The following SNX8 variants were observed in gnomAD, a reference collection of about 807,000 sequenced individuals.
SNX8 encodes sorting nexin 8.
A neutral mutation model predicts 51.6 loss-of-function variants in SNX8; 25 were observed. The observed-to-expected ratio is 0.48, with a 90% CI of 0.35 to 0.68. The LOEUF (loss-of-function observed/expected upper bound fraction) is 0.68, where lower values mean the gene tolerates loss of function less well. Among genes scored for constraint, SNX8 ranks in the 30% least tolerant of loss-of-function variants. The pLI is 0.00. For missense variants in SNX8, 695 were observed against 624.0 expected, an observed-to-expected ratio of 1.11 and a Z score of -1.21; for synonymous variants, 324 against 277.0, an observed-to-expected ratio of 1.17 and a Z score of -1.68.
chr7:2,309,893 G>A (rs1363435657), intron 1 of SNX8: 1 of 470,676 alleles, frequency 2.1e-6, no homozygotes, highest in Non-Finnish European at 4.4e-6. Flanking sequence ...GCTCGGGGCA[G>A]GGGTGAAGGA....
Position 2,254,981 on chromosome 7 carries a change from G to T in SNX8, c.*75C>A. On this transcript the variant is annotated 3_prime_UTR_variant, in exon 11 of 11. Transcript: ENST00000222990. ...CGGGGAGGGGAGCTGCCGTCCAAAG[G>T]GAATTACACCGGGACACACCGTTTG... The T allele has an allele frequency of 1.9e-6, 2 of 1,026,422 alleles. No homozygotes were observed. The highest frequency in any genetic ancestry group is 1.5e-6 in the Non-Finnish European group (1 of 674,804). The allele number at this position is 1,026,422 out of a possible 1,614,324, so 63.6% of individuals were successfully genotyped here.
intron 1 of SNX8, among the ~76,000 whole-genome samples, chr7:2,302,624 T>C (rs1453666367): frequency 6.6e-6 from 1 of 150,842 alleles, no homozygotes; most frequent in Non-Finnish European, 1.5e-5. Context: ...GAGGAGCGTC[T>C]CTGCCCAGCT....
rs374900557 is a variant in SNX8, at chr7:2,255,023, C to A, written c.*33G>T. The A allele has an allele frequency of 2.2e-6, 3 of 1,389,326 alleles. No homozygotes were observed. The highest frequency in any genetic ancestry group is 3.0e-6 in the Non-Finnish European group (3 of 1,000,506). The allele number at this position is 1,389,326 out of a possible 1,614,324, so 86.1% of individuals were successfully genotyped here. A position where few individuals can be genotyped will look rare whatever the true frequency, so the allele number is the denominator to read the frequency against. ...CACCGTTTGGAAAGAGGTTTTAGTG[C>A]GGCCGCAGGGAGCACCACCTCAGCC... is the stretch of plus-strand genomic sequence containing the variant. On this transcript the variant is annotated 3_prime_UTR_variant, in exon 11 of 11. Coordinates refer to ENST00000222990, the MANE Select transcript of SNX8 (RefSeq NM_013321.4).
At chr7:2,268,743 A>T (rs1470385082) in intron 5 of SNX8, among the ~76,000 whole-genome samples, 23 of 3,942 alleles carry the variant, frequency 5.8e-3, no homozygotes, top group South Asian at 0.01. Flanking sequence ...TCAGCCCCCC[A>T]GCCCGGCCAG....
chr7:2,326,538 A>T (rs887695973), intron 1 of SNX8, among the ~76,000 whole-genome samples: 2 of 148,950 alleles, frequency 1.3e-5, no homozygotes, highest in Non-Finnish European at 3.0e-5. Flanking sequence ...TGGTGGCGGG[A>T]GTCTGTAGTC....
intron 1 of SNX8, among the ~76,000 whole-genome samples, chr7:2,303,261 C>T (rs1289281925): frequency 1.4e-5 from 2 of 146,506 alleles, no homozygotes; most frequent in African/African-American, 2.7e-5. Flanking sequence ...CCCGGCCAGC[C>T]GCCCCGTCCG....
chr7:2,257,351 G>A lies in SNX8; in HGVS notation c.1134+14C>T, dbSNP rs369919605. On this transcript the variant is annotated intron_variant, in intron 9 of 10. Coordinates refer to ENST00000222990, the MANE Select transcript of SNX8 (RefSeq NM_013321.4). ...AAGGCTCCCACGGGCCTGCTCGGCC[G>A]CCCCGCCACCCACCTCCACAATGCG... is the stretch of plus-strand genomic sequence containing the variant. The A allele has an allele frequency of 1.3e-5, 20 of 1,599,740 alleles. No homozygotes were observed. In the African/African-American group the frequency reaches 2.1e-4, roughly 17 times the overall value.
At chr7:2,278,398 C>T in intron 1 of SNX8, 93 bp from the exon 2 acceptor site, 1 of 760,504 alleles carries the variant, frequency 1.3e-6, no homozygotes. Flanking sequence ...AATCCCAGCA[C>T]TTTGGGAGGC....
intron 1 of SNX8, among the ~76,000 whole-genome samples, chr7:2,296,564 C>T (rs1284409421): frequency 2.6e-5 from 4 of 151,962 alleles, no homozygotes; most frequent in African/African-American, 4.8e-5. Flanking sequence ...TCCAGATGCA[C>T]TTTATTTCTC....
intron 3 of SNX8, among the ~76,000 whole-genome samples, 168 bp from the exon 4 acceptor site, chr7:2,272,139 GCCCAGAGCAATAACCTCACC>G (rs1219714586): frequency 6.6e-6 from 1 of 152,114 alleles, no homozygotes; most frequent in Non-Finnish European, 1.5e-5. Context: ...TGAAAAGGCC[GCCCAGAGCAATAACCTCACC>G]CCCAGAGGCC....
intron 1 of SNX8, among the ~76,000 whole-genome samples, chr7:2,352,409 C>G (rs552341548): frequency 3.9e-5 from 6 of 151,998 alleles, no homozygotes; most frequent in African/African-American, 1.2e-4. Context: ...GAAAATTTGA[C>G]AGAGAGAGAC....
intron 1 of SNX8, among the ~76,000 whole-genome samples, chr7:2,279,844 C>T (rs1309658188): frequency 2.0e-5 from 3 of 151,400 alleles, no homozygotes; most frequent in Non-Finnish European, 4.4e-5. Flanking sequence ...TCTGTGACTA[C>T]ATCAAATCAG....
chr7:2,351,628 T>G (rs13310917), intron 1 of SNX8, among the ~76,000 whole-genome samples: 2 of 151,300 alleles, frequency 1.3e-5, no homozygotes, highest in Middle Eastern at 3.4e-3. Context: ...GTCAGGAGAG[T>G]GAGACCATCC....
chr7:2,312,080 A>C (rs1796669757), intron 1 of SNX8, among the ~76,000 whole-genome samples: 1 of 152,134 alleles, frequency 6.6e-6, no homozygotes, highest in Non-Finnish European at 1.5e-5. Flanking sequence ...GGGCACTGTG[A>C]AGCACTGCCT....
At chr7:2,296,320 T>C (rs1419399454) in intron 1 of SNX8, among the ~76,000 whole-genome samples, 1 of 151,972 alleles carries the variant, frequency 6.6e-6, no homozygotes. Flanking sequence ...CCTAGGGTGT[T>C]TGGTTGTTGT....
chr7:2,352,818 A>T (rs1583134420), intron 1 of SNX8, among the ~76,000 whole-genome samples: 1 of 152,184 alleles, frequency 6.6e-6, no homozygotes, highest in African/African-American at 2.4e-5. Flanking sequence ...CCTAGGCGAC[A>T]GAGCAACACT....
chr7:2,281,478 G>T (rs544729133), intron 1 of SNX8, among the ~76,000 whole-genome samples: 1 of 151,678 alleles, frequency 6.6e-6, no homozygotes, highest in South Asian at 2.1e-4. Context: ...GCCAGGTGAC[G>T]GACCACACAC....
At chr7:2,302,274 C>T (rs955740122) in intron 1 of SNX8, among the ~76,000 whole-genome samples, 1 of 152,208 alleles carries the variant, frequency 6.6e-6, no homozygotes, top group Non-Finnish European at 1.5e-5. Flanking sequence ...GACTGGTTTT[C>T]GTATTTTTTT....
At chr7:2,268,506 T>G (rs1235834687) in intron 5 of SNX8, among the ~76,000 whole-genome samples, 15 of 109,094 alleles carry the variant, frequency 1.4e-4, no homozygotes, top group East Asian at 2.8e-4. Flanking sequence ...AGGTGGGGGG[T>G]CAGCCCCCCC....
Sources: gnomAD v4.1 joint callset for allele counts (sites outside exome capture counted in the v4.1 genomes callset) on GRCh38, gnomAD v4.1.1 for gene constraint, MANE v1.5 for transcripts, NCBI Gene and HGNC (gene_info 2026-07-23, HGNC 2026-07-21) for gene names.